ADARB2: variants seen among roughly 807,000 people sequenced by gnomAD.
ADARB2 encodes inactive double-stranded RNA-specific editase B2.
Under a neutral mutation model 62.2 loss-of-function variants are expected in ADARB2, and 25 were observed. The ratio of observed to expected loss-of-function variants is 0.40; its 90% CI spans 0.29 to 0.56. ADARB2 has a LOEUF of 0.56. Among genes scored for constraint, ADARB2 ranks in the 20% least tolerant of loss-of-function variants. The probability of loss-of-function intolerance (pLI) is 0.43; values close to 1 mark genes in which losing one functional copy is unlikely to be tolerated. For missense variants in ADARB2, 1,071 were observed against 1,077.4 expected (o/e 0.99, Z 0.08); for synonymous variants, 572 against 500.8 (o/e 1.14, Z -1.90).
At chr10:1,372,986 T>C (rs1460490417) in intron 2 of ADARB2, among the ~76,000 whole-genome samples, 1 of 151,986 alleles carries the variant, frequency 6.6e-6, no homozygotes, top group Non-Finnish European at 1.5e-5. Flanking sequence ...AGAAAAGAAA[T>C]TGAGACACAA....
chr10:1,574,040 G>C (rs1023061827), intron 1 of ADARB2, among the ~76,000 whole-genome samples: 5 of 152,202 alleles, frequency 3.3e-5, no homozygotes, highest in Non-Finnish European at 5.9e-5. Context: ...GAAGATCAAA[G>C]TGTCTTATAT....
intron 1 of ADARB2, among the ~76,000 whole-genome samples, chr10:1,490,855 A>T (rs1938524946): frequency 6.6e-6 from 1 of 152,168 alleles, no homozygotes; most frequent in African/African-American, 2.4e-5. Context: ...GTTTCCAAGG[A>T]CCATACCCCA....
intron 1 of ADARB2, among the ~76,000 whole-genome samples, chr10:1,383,691 C>T (rs180840137): frequency 7.9e-5 from 12 of 152,330 alleles, no homozygotes; most frequent in East Asian, 3.9e-4. Context: ...CACTGGGACA[C>T]GTCTTAGCTT....
At chr10:1,430,676 G>T (rs942774873) in intron 1 of ADARB2, among the ~76,000 whole-genome samples, 3 of 152,048 alleles carry the variant, frequency 2.0e-5, no homozygotes, top group African/African-American at 7.2e-5. Flanking sequence ...GGAGGCGGAG[G>T]TTGCAGTGAG....
At chr10:1,500,642 T>C (rs1831755440) in intron 1 of ADARB2, among the ~76,000 whole-genome samples, 1 of 152,188 alleles carries the variant, frequency 6.6e-6, no homozygotes, top group Admixed American at 6.5e-5. Context: ...ATTAGGGCGA[T>C]AAAAGAGAGG....
At chr10:1,427,910 A>T (rs921089020) in intron 1 of ADARB2, among the ~76,000 whole-genome samples, 1 of 152,208 alleles carries the variant, frequency 6.6e-6, no homozygotes, top group Admixed American at 6.5e-5. Context: ...AACTATCTGT[A>T]TACACAACTT....
intron 2 of ADARB2, among the ~76,000 whole-genome samples, chr10:1,364,954 C>A (rs368948568): frequency 1.3e-5 from 2 of 151,076 alleles, no homozygotes; most frequent in African/African-American, 4.9e-5. Context: ...CCCACTGCAA[C>A]CTCCGCCTCC....
chr10:1,701,647 A>T (rs12771687), intron 1 of ADARB2, among the ~76,000 whole-genome samples: 1 of 19,518 alleles, frequency 5.1e-5, no homozygotes, highest in Non-Finnish European at 9.8e-5. Flanking sequence ...GCCAACACAC[A>T]CAATCCCACT....
chr10:1,645,219 G>A (rs900498389), intron 1 of ADARB2, among the ~76,000 whole-genome samples: 14 of 152,184 alleles, frequency 9.2e-5, no homozygotes, highest in African/African-American at 2.7e-4. Flanking sequence ...AGCACGATTC[G>A]CTCCATGCTC....
intron 1 of ADARB2, among the ~76,000 whole-genome samples, chr10:1,674,553 A>G (rs1358090129): frequency 6.6e-6 from 1 of 152,216 alleles, no homozygotes; most frequent in African/African-American, 2.4e-5. Context: ...TAAACTGTGC[A>G]GATATCGTTG....
chr10:1,673,309 A>G (rs1834416149), intron 1 of ADARB2, among the ~76,000 whole-genome samples: 1 of 93,588 alleles, frequency 1.1e-5, no homozygotes, highest in South Asian at 4.3e-4. Context: ...TGTAGATTTC[A>G]TTTTATGTGT....
At chr10:1,524,114 G>C (rs1393771485) in intron 1 of ADARB2, among the ~76,000 whole-genome samples, 1 of 152,176 alleles carries the variant, frequency 6.6e-6, no homozygotes, top group Non-Finnish European at 1.5e-5. Context: ...TAGAGAGAGA[G>C]AGAATAGATG....
At chr10:1,696,396 T>C (rs1834747020) in intron 1 of ADARB2, among the ~76,000 whole-genome samples, 1 of 152,204 alleles carries the variant, frequency 6.6e-6, no homozygotes, top group Admixed American at 6.5e-5. Context: ...TATATGGAAA[T>C]ACACACATAT....
At chr10:1,632,120 G>A (rs911666787) in intron 1 of ADARB2, among the ~76,000 whole-genome samples, 1 of 152,136 alleles carries the variant, frequency 6.6e-6, no homozygotes, top group South Asian at 2.1e-4. Context: ...GCTGTTCCTA[G>A]GGCCATAAAA....
At chr10:1,681,932 G>A (rs1834542232) in intron 1 of ADARB2, among the ~76,000 whole-genome samples, 1 of 152,188 alleles carries the variant, frequency 6.6e-6, no homozygotes, top group Non-Finnish European at 1.5e-5. Context: ...GGGCACCTGA[G>A]TGTGGACAGG....
intron 1 of ADARB2, among the ~76,000 whole-genome samples, chr10:1,565,972 C>T (rs1286359646): frequency 6.6e-6 from 1 of 150,856 alleles, no homozygotes; most frequent in Non-Finnish European, 1.5e-5. Flanking sequence ...ATTGCAGAGC[C>T]CTCCATGTAG....
chr10:1,659,412 C>T (rs572401113), intron 1 of ADARB2, among the ~76,000 whole-genome samples: 11 of 152,238 alleles, frequency 7.2e-5, no homozygotes, highest in South Asian at 2.1e-4. Flanking sequence ...GGTCCCCACG[C>T]GACATCTAAA....
chr10:1,627,320 T>G (rs1422497968), intron 1 of ADARB2, among the ~76,000 whole-genome samples: 1 of 152,202 alleles, frequency 6.6e-6, no homozygotes. Context: ...GGCCCATCTG[T>G]GCATGCAAGA....
In ADARB2 at chr10:1,677,557, C is replaced by T. The variant is rs148472792; in HGVS notation, c.100+59494G>A. Among the ~76,000 whole-genome samples, 562 of 152,254 alleles carry T rather than the reference C, an allele frequency of 3.7e-3. 4 individuals carry two copies. The highest frequency in any genetic ancestry group is 0.017 in the Middle Eastern group (5 of 294). ...AGGAAGAAGGCAGGAGTGTCCTAGC[C>T]GGGACCCAAAGCCACATTCCTGCCA... On this transcript the variant is annotated intron_variant, in intron 1 of 9. Coordinates refer to ENST00000381312, the MANE Select transcript of ADARB2 (RefSeq NM_018702.4).
Sources: gnomAD v4.1 joint callset for allele counts (sites outside exome capture counted in the v4.1 genomes callset) on GRCh38, gnomAD v4.1.1 for gene constraint, MANE v1.5 for transcripts, NCBI Gene and HGNC (gene_info 2026-07-23, HGNC 2026-07-21) for gene names.